The following SGCZ variants were observed in gnomAD, a reference collection of about 807,000 sequenced individuals.
SGCZ encodes the protein sarcoglycan zeta.
A neutral mutation model predicts 41.3 loss-of-function variants in SGCZ; 40 were observed. The ratio of observed to expected loss-of-function variants is 0.97; its 90% CI spans 0.75 to 1.26. SGCZ has a LOEUF of 1.26. Ranked by LOEUF, SGCZ falls within the 50% of genes most tolerant of loss-of-function variation. SGCZ has a pLI of 0.00. For synonymous variants in SGCZ, 206 were observed against 137.5 expected (o/e 1.50, Z -3.49); for missense variants, 552 against 369.8 (o/e 1.49, Z -4.04).
intron 2 of SGCZ, among the ~76,000 whole-genome samples, chr8:14,372,744 G>T (rs1401698732): frequency 6.6e-6 from 1 of 152,126 alleles, no homozygotes; most frequent in Non-Finnish European, 1.5e-5. Context: ...ACAGCAGCCT[G>T]CTTGGAGTAT....
chr8:14,792,978 T>C (rs1006476235), intron 1 of SGCZ, among the ~76,000 whole-genome samples: 8 of 152,228 alleles, frequency 5.3e-5, no homozygotes, highest in African/African-American at 1.4e-4. Context: ...CTTGAACTTC[T>C]GACACTTACA....
chr8:14,486,591 C>T (rs768689364), intron 2 of SGCZ, among the ~76,000 whole-genome samples: 1 of 152,178 alleles, frequency 6.6e-6, no homozygotes, highest in Non-Finnish European at 1.5e-5. Flanking sequence ...CGCGCGCGTG[C>T]GCACGTGTGT....
intron 1 of SGCZ, among the ~76,000 whole-genome samples, chr8:14,816,817 A>G (rs1319404666): frequency 6.6e-6 from 1 of 152,250 alleles, no homozygotes; most frequent in South Asian, 2.1e-4. Context: ...ATTTAATTCA[A>G]TTACCAAAAT....
chr8:14,518,235 A>G (rs10111419), intron 2 of SGCZ, among the ~76,000 whole-genome samples: 2,475 of 152,142 alleles, frequency 0.016, 61 homozygotes, highest in African/African-American at 0.057. Context: ...AAAGCTTGCT[A>G]TTGTTGGATT....
At position 14,624,557 on chromosome 8, in the gene SGCZ, T is replaced by TATTATTTA. The variant is rs796581114; in HGVS notation, c.40-69632_40-69631insTAAATAAT. Among the ~76,000 whole-genome samples the TATTATTTA allele has an allele frequency of 6.6e-4, 36 of 54,744 alleles. 2 individuals are homozygous for TATTATTTA. The highest frequency in any genetic ancestry group is 2.0e-3 in the African/African-American group (35 of 17,432). 35.9% of individuals were successfully genotyped at this position (54,744 alleles called of 152,430 possible). On this transcript the variant is annotated intron_variant, in intron 1 of 7. Coordinates refer to ENST00000382080, the MANE Select transcript of SGCZ (RefSeq NM_139167.4). ...CACTCCCCAATTTTATTATTATTAT[T>TATTATTTA]TTTTTTTTTTTTTTTTTTTTTTTTT...
chr8:14,823,997 G>T (rs1383497640), intron 1 of SGCZ, among the ~76,000 whole-genome samples: 2 of 151,708 alleles, frequency 1.3e-5, no homozygotes, highest in East Asian at 3.9e-4. Context: ...AATAAATACT[G>T]CAGGGTATTG....
At chr8:14,956,624 A>G (rs1449032049) in intron 1 of SGCZ, among the ~76,000 whole-genome samples, 1 of 152,098 alleles carries the variant, frequency 6.6e-6, no homozygotes, top group Non-Finnish European at 1.5e-5. Context: ...AAAGTACCAA[A>G]AGCACACAAA....
At chr8:14,863,837 T>A (rs1251995792) in intron 1 of SGCZ, among the ~76,000 whole-genome samples, 2 of 152,082 alleles carry the variant, frequency 1.3e-5, no homozygotes, top group Non-Finnish European at 2.9e-5. Flanking sequence ...AATACACTAA[T>A]ATACTCAGGG....
At chr8:14,886,868 G>T (rs1187121730) in intron 1 of SGCZ, among the ~76,000 whole-genome samples, 1 of 152,124 alleles carries the variant, frequency 6.6e-6, no homozygotes, top group Non-Finnish European at 1.5e-5. Context: ...AAGTTGAGAG[G>T]CTACTGCAAT....
intron 2 of SGCZ, among the ~76,000 whole-genome samples, chr8:14,379,352 T>C (rs1563290930): frequency 6.6e-6 from 1 of 152,254 alleles, no homozygotes; most frequent in Non-Finnish European, 1.5e-5. Flanking sequence ...AGATAGATGA[T>C]ATAATGATAG....
intron 2 of SGCZ, among the ~76,000 whole-genome samples, chr8:14,404,822 C>T (rs1294014215): frequency 6.6e-6 from 1 of 152,162 alleles, no homozygotes; most frequent in Admixed American, 6.5e-5. Context: ...CTTCAAAGCC[C>T]ACGCGTTTCC....
intron 1 of SGCZ, among the ~76,000 whole-genome samples, chr8:14,584,392 G>C (rs1209460227): frequency 6.6e-6 from 1 of 152,068 alleles, no homozygotes; most frequent in Non-Finnish European, 1.5e-5. Context: ...AGATCTTGGA[G>C]GGCTTACATT....
intron 1 of SGCZ, among the ~76,000 whole-genome samples, chr8:15,110,877 A>C (rs747264828): frequency 2.0e-5 from 3 of 152,196 alleles, no homozygotes; most frequent in Non-Finnish European, 4.4e-5. Context: ...CTGAGGCAGG[A>C]GAATCACTTG....
At chr8:15,020,153 GAGA>G (rs1803197009) in intron 1 of SGCZ, among the ~76,000 whole-genome samples, 1 of 152,002 alleles carries the variant, frequency 6.6e-6, no homozygotes, top group Non-Finnish European at 1.5e-5. Flanking sequence ...AAGATCTGAG[GAGA>G]AGATCATCTC....
chr8:14,882,933 A>T lies in SGCZ; in HGVS notation c.40-328007T>A, dbSNP rs567099674. On this transcript the variant is annotated intron_variant, in intron 1 of 7. Transcript: ENST00000382080. ...ATATATGGTGTGGAACAAGTGCACGATAACCACTGATTTTTAATTTTTTAA... is the reference window on the plus strand; with the variant it reads ...ATATATGGTGTGGAACAAGTGCACGTTAACCACTGATTTTTAATTTTTTAA... Among the ~76,000 whole-genome samples the T allele has an allele frequency of 2.6e-5, 4 of 152,266 alleles. No homozygotes were observed. In the South Asian group the frequency reaches 8.3e-4, roughly 32 times the overall value.
chr8:14,825,217 A>C (rs17120345), intron 1 of SGCZ, among the ~76,000 whole-genome samples: 4,459 of 152,280 alleles, frequency 0.029, 189 homozygotes, highest in African/African-American at 0.093. Context: ...CCAGTAAAGA[A>C]AACCTTTTAT....
intron 2 of SGCZ, among the ~76,000 whole-genome samples, chr8:14,399,389 C>T (rs1255564719): frequency 1.3e-5 from 2 of 152,058 alleles, no homozygotes; most frequent in Non-Finnish European, 2.9e-5. Context: ...TAGTGCCTGC[C>T]ATGGATTTAT....
rs902677910 is a variant in SGCZ, at chr8:14,087,620, A to G, written c.*2823T>C. On this transcript the variant is annotated 3_prime_UTR_variant, in exon 8 of 8. Transcript: ENST00000382080. ...GGGAAGATGAAATTTATATAAGTAAACTGCATTTTATTTATACATATTGTA... is the reference window on the plus strand; with the variant it reads ...GGGAAGATGAAATTTATATAAGTAAGCTGCATTTTATTTATACATATTGTA... Among the ~76,000 whole-genome samples the G allele has an allele frequency of 2.0e-5, 3 of 151,592 alleles. No homozygotes were observed. Among genetic ancestry groups the G allele is most frequent in the African/African-American group, 4.8e-5 (2 of 41,340 alleles).
chr8:14,656,438 C>T (rs1563182939), intron 1 of SGCZ, among the ~76,000 whole-genome samples: 1 of 142,324 alleles, frequency 7.0e-6, no homozygotes, highest in South Asian at 2.3e-4. Context: ...CCTCCCCCCT[C>T]TATCCCTCCC....
Sources: gnomAD v4.1 joint callset for allele counts (sites outside exome capture counted in the v4.1 genomes callset) on GRCh38, gnomAD v4.1.1 for gene constraint, MANE v1.5 for transcripts, NCBI Gene and HGNC (gene_info 2026-07-23, HGNC 2026-07-21) for gene names.